The following TBC1D32 variants were observed in gnomAD, a reference collection of about 807,000 sequenced individuals.
The protein encoded by TBC1D32 is protein broad-minded.
Under a neutral mutation model 170.3 loss-of-function variants are expected in TBC1D32, and 151 were observed. The observed-to-expected ratio is 0.89, with a 90% CI of 0.78 to 1.01. TBC1D32 has a LOEUF of 1.01. TBC1D32 is among the 50% of genes least tolerant of loss of function. TBC1D32 has a pLI of 0.00. For missense variants in TBC1D32, 1,464 were observed against 1,457.1 expected, an observed-to-expected ratio of 1.00 and a Z score of -0.08; for synonymous variants, 498 against 488.0, an observed-to-expected ratio of 1.02 and a Z score of -0.27.
At chr6:121,192,082 A>ATATATATATATATATATATC (rs57260767) in intron 22 of TBC1D32, among the ~76,000 whole-genome samples, 4 of 133,630 alleles carry the variant, frequency 3.0e-5, no homozygotes, top group African/African-American at 1.0e-4. Flanking sequence ...ATATATATAT[A>ATATATATATATATATATATC]TCCTATTAGT....
intron 1 of TBC1D32, among the ~76,000 whole-genome samples, chr6:121,322,227 T>C (rs1010274696): frequency 1.3e-5 from 2 of 152,202 alleles, no homozygotes; most frequent in Admixed American, 1.3e-4. Context: ...AGAAGAGTTT[T>C]GTGTACATTT....
intron 30 of TBC1D32, 144 bp downstream of exon 30, chr6:121,105,879 C>T (rs1778632898): frequency 2.2e-6 from 2 of 896,316 alleles, no homozygotes; most frequent in Non-Finnish European, 3.2e-6. Flanking sequence ...TACATCATAA[C>T]AGGCCTGGGG....
At chr6:121,275,940 C>A (rs1315459465) in intron 15 of TBC1D32, among the ~76,000 whole-genome samples, 3 of 151,816 alleles carry the variant, frequency 2.0e-5, no homozygotes, top group Non-Finnish European at 4.4e-5. Flanking sequence ...GTCTGGGAAA[C>A]GTGGTGAAAC....
At chr6:121,313,915 T>C (rs1808583945) in intron 3 of TBC1D32, among the ~76,000 whole-genome samples, 1 of 152,084 alleles carries the variant, frequency 6.6e-6, no homozygotes, top group Non-Finnish European at 1.5e-5. Context: ...CAGAAAACAG[T>C]TGTTGAACTC....
At chr6:121,131,806 A>G (rs559434922) in intron 24 of TBC1D32, 54 bp from the exon 25 acceptor site, 1 of 1,406,812 alleles carries the variant, frequency 7.1e-7, no homozygotes, top group African/African-American at 1.4e-5. Flanking sequence ...TATACTGAAA[A>G]ATTATTAATG....
At chr6:121,082,081 C>A (rs1317631294) in intron 31 of TBC1D32, among the ~76,000 whole-genome samples, 1 of 151,990 alleles carries the variant, frequency 6.6e-6, no homozygotes, top group East Asian at 1.9e-4. Flanking sequence ...TATTTCAATC[C>A]TTCTTTCACT....
intron 20 of TBC1D32, among the ~76,000 whole-genome samples, chr6:121,226,356 T>G (rs1795066936): frequency 1.3e-5 from 2 of 151,652 alleles, no homozygotes; most frequent in African/African-American, 2.4e-5. Context: ...TAGGGAGAGG[T>G]GAAAGGTAAG....
intron 31 of TBC1D32, among the ~76,000 whole-genome samples, chr6:121,081,985 T>C (rs933273997): frequency 6.6e-6 from 1 of 152,086 alleles, no homozygotes; most frequent in African/African-American, 2.4e-5. Flanking sequence ...TGAAATGGTG[T>C]TGTTATATAC....
intron 22 of TBC1D32, among the ~76,000 whole-genome samples, chr6:121,201,398 C>T (rs567660932): frequency 4.0e-5 from 6 of 151,354 alleles, no homozygotes; most frequent in South Asian, 2.1e-4. Context: ...GGCAAAGGAA[C>T]TACTTTTTAA....
chr6:121,252,593 G>C (rs58729190), intron 17 of TBC1D32, among the ~76,000 whole-genome samples: 1 of 151,914 alleles, frequency 6.6e-6, no homozygotes, highest in African/African-American at 2.4e-5. Flanking sequence ...AGGGGAGGGA[G>C]AGCATTAGGA....
chr6:121,311,618 C>T (rs1260023658), intron 3 of TBC1D32, among the ~76,000 whole-genome samples: 1 of 151,854 alleles, frequency 6.6e-6, no homozygotes, highest in Non-Finnish European at 1.5e-5. Context: ...CTCCCAGCTA[C>T]TCGGGAGGCC....
intron 20 of TBC1D32, among the ~76,000 whole-genome samples, chr6:121,238,643 C>T (rs1295059333): frequency 1.3e-5 from 2 of 152,092 alleles, no homozygotes; most frequent in African/African-American, 4.8e-5. Flanking sequence ...ATGATAGCAT[C>T]TTCTCTCTGT....
At chr6:121,191,656 G>A (rs980573801) in intron 22 of TBC1D32, among the ~76,000 whole-genome samples, 1 of 151,928 alleles carries the variant, frequency 6.6e-6, no homozygotes, top group Non-Finnish European at 1.5e-5. Context: ...TGGAGCTTTT[G>A]TAAACACACA....
chr6:121,144,525 G>C (rs1182673790), intron 24 of TBC1D32, among the ~76,000 whole-genome samples: 1 of 152,072 alleles, frequency 6.6e-6, no homozygotes, highest in Non-Finnish European at 1.5e-5. Context: ...TTATTATCTG[G>C]AGAACTGGGA....
intron 2 of TBC1D32, among the ~76,000 whole-genome samples, chr6:121,320,088 C>A (rs1809493516): frequency 6.6e-6 from 1 of 151,768 alleles, no homozygotes; most frequent in Non-Finnish European, 1.5e-5. Flanking sequence ...GTGCAAATAT[C>A]TGCTTAAAAA....
chr6:121,259,031 T>C (rs1382891234), intron 15 of TBC1D32, among the ~76,000 whole-genome samples: 2 of 150,666 alleles, frequency 1.3e-5, no homozygotes, highest in African/African-American at 2.4e-5. Flanking sequence ...GGTGCAGTGG[T>C]TCATGACTGT....
rs764379782 is a variant in TBC1D32 at position 121,206,324 on chromosome 6, CAT to C, written c.2482-1163_2482-1162del. ...TTTATAGACAAATATATATCTCTCT[CAT>C]TGCTCATTTTCCTGACCAAGAAACT... On this transcript the variant is annotated intron_variant, in intron 21 of 31. Coordinates refer to ENST00000398212, the MANE Select transcript of TBC1D32 (RefSeq NM_152730.6). Among the ~76,000 whole-genome samples, 13 of 152,086 alleles carry C rather than the reference CAT, an allele frequency of 8.5e-5. No homozygotes were observed. In the East Asian group the frequency reaches 2.3e-3, roughly 27 times the overall value.
chr6:121,310,930 A>C, intron 3 of TBC1D32, 83 bp from the exon 4 acceptor site: 1 of 806,214 alleles, frequency 1.2e-6, no homozygotes, highest in Non-Finnish European at 2.1e-6. Context: ...ATATAATTCC[A>C]AGCACAAAAC....
chr6:121,223,451 C>G lies in TBC1D32; in HGVS notation c.2365-99G>C, dbSNP rs573311956. The G allele has an allele frequency of 8.9e-6, 7 of 790,218 alleles. No individual in the cohort carries two copies. In the South Asian group the frequency reaches 1.1e-4, roughly 13 times the overall value. 49.0% of individuals were successfully genotyped at this position (790,218 alleles called of 1,614,324 possible). A position where few individuals can be genotyped will look rare whatever the true frequency, so the allele number is the denominator to read the frequency against. On this transcript the variant is annotated intron_variant, in intron 20 of 31. Transcript: ENST00000398212. ...TTTCCTATCTGTATGACTTTGAGGG[C>G]TCATTTTTAAATATACCTAATTCCC...
Sources: gnomAD v4.1 joint callset for allele counts (sites outside exome capture counted in the v4.1 genomes callset) on GRCh38, gnomAD v4.1.1 for gene constraint, MANE v1.5 for transcripts, NCBI Gene and HGNC (gene_info 2026-07-23, HGNC 2026-07-21) for gene names.